Variants in CTNNA2 observed in about 807,000 individuals in gnomAD.
CTNNA2 encodes the protein catenin alpha 2.
A neutral mutation model predicts 101.0 loss-of-function variants in CTNNA2; 42 were observed. That is an observed-to-expected ratio of 0.42 (90% CI 0.32 to 0.54). CTNNA2 has a LOEUF of 0.54. CTNNA2 is among the 20% of genes least tolerant of loss of function. The pLI is 0.14. For missense variants in CTNNA2, 871 were observed against 1,223.1 expected (o/e 0.71, Z 4.29); for synonymous variants, 450 against 456.4 (o/e 0.99, Z 0.18).
At chr2:79,517,147 C>T (rs1671851141) in intron 1 of CTNNA2, among the ~76,000 whole-genome samples, 1 of 152,128 alleles carries the variant, frequency 6.6e-6, no homozygotes, top group African/African-American at 2.4e-5. Flanking sequence ...TGCTCACTGG[C>T]TACATCTGTT....
At position 80,319,235 on chromosome 2, in the gene CTNNA2, A is replaced by G. The variant is rs147565703; in HGVS notation, c.1057-73976A>G. On this transcript the variant is annotated intron_variant, in intron 7 of 18. Transcript: ENST00000402739. Reference sequence around the variant, plus strand: ...TTTAAATTCATCAACTACTTTTAATATAATTGGTATTTGAAGGATGTCTAC... The same window carrying G: ...TTTAAATTCATCAACTACTTTTAATGTAATTGGTATTTGAAGGATGTCTAC... Among the ~76,000 whole-genome samples the G allele has an allele frequency of 1.2e-4, 18 of 152,334 alleles. No homozygotes were observed. In the East Asian group the frequency reaches 3.3e-3, roughly 28 times the overall value.
chr2:79,768,684 G>A (rs1259303299), intron 3 of CTNNA2, among the ~76,000 whole-genome samples: 1 of 151,910 alleles, frequency 6.6e-6, no homozygotes, highest in Non-Finnish European at 1.5e-5. Flanking sequence ...GGGGATTAAT[G>A]TTTAGGAGAC....
intron 2 of CTNNA2, among the ~76,000 whole-genome samples, chr2:79,708,151 C>A (rs1423528462): frequency 6.6e-6 from 1 of 152,122 alleles, no homozygotes; most frequent in Non-Finnish European, 1.5e-5. Context: ...TTACATTATG[C>A]CATTTGATTT....
chr2:79,756,479 A>G (rs575229226), intron 3 of CTNNA2, among the ~76,000 whole-genome samples: 1 of 152,324 alleles, frequency 6.6e-6, no homozygotes, highest in Admixed American at 6.5e-5. Context: ...ACAAATAAGT[A>G]AAATATTAAA....
intron 9 of CTNNA2, among the ~76,000 whole-genome samples, chr2:80,431,748 T>G (rs1247528357): frequency 6.6e-6 from 1 of 152,192 alleles, no homozygotes; most frequent in South Asian, 2.1e-4. Context: ...TTTGAATAAC[T>G]CTTAATCAGC....
chr2:79,923,755 C>T (rs555038175), intron 7 of CTNNA2, among the ~76,000 whole-genome samples: 1 of 152,208 alleles, frequency 6.6e-6, no homozygotes, highest in African/African-American at 2.4e-5. Flanking sequence ...TCATCCCCCT[C>T]GCTGCTCAGC....
At chr2:79,218,679 A>G (rs556126877) in intron 2 of CTNNA2, among the ~76,000 whole-genome samples, 11 of 152,236 alleles carry the variant, frequency 7.2e-5, no homozygotes, top group African/African-American at 2.6e-4. Flanking sequence ...AGGATCAGAG[A>G]CCACCATCGC....
chr2:79,285,277 A>G (rs1266735356), intron 2 of CTNNA2, among the ~76,000 whole-genome samples: 10 of 148,684 alleles, frequency 6.7e-5, no homozygotes, highest in African/African-American at 2.5e-4. Context: ...GATTTTAGTT[A>G]TTTCTTGTCT....
chr2:80,589,837 T>C (rs756536635), intron 15 of CTNNA2, among the ~76,000 whole-genome samples: 3 of 151,880 alleles, frequency 2.0e-5, no homozygotes, highest in Admixed American at 1.3e-4. Flanking sequence ...TTTGTTAATA[T>C]ACCTTTGGAA....
intron 7 of CTNNA2, among the ~76,000 whole-genome samples, chr2:80,342,093 G>A (rs1672297905): frequency 6.6e-6 from 1 of 152,180 alleles, no homozygotes; most frequent in South Asian, 2.1e-4. Flanking sequence ...ATTAGTGACT[G>A]TCTATGGCTG....
intron 7 of CTNNA2, among the ~76,000 whole-genome samples, chr2:80,127,828 G>A (rs1453786236): frequency 1.3e-5 from 2 of 152,048 alleles, no homozygotes; most frequent in African/African-American, 4.8e-5. Context: ...GGATTTGCAG[G>A]GATCATTAGC....
At chr2:79,644,078 C>T (rs1027311251) in intron 1 of CTNNA2, among the ~76,000 whole-genome samples, 1 of 152,092 alleles carries the variant, frequency 6.6e-6, no homozygotes, top group Non-Finnish European at 1.5e-5. Flanking sequence ...CTCCCTGTCA[C>T]CCAGGCTGGA....
chr2:80,279,536 T>C (rs1014045759), intron 7 of CTNNA2, among the ~76,000 whole-genome samples: 7 of 152,190 alleles, frequency 4.6e-5, no homozygotes, highest in Non-Finnish European at 7.4e-5. Context: ...TACAATATTA[T>C]ACTATTTATT....
intron 18 of CTNNA2, among the ~76,000 whole-genome samples, chr2:80,647,330 C>A (rs1478206176): frequency 6.6e-6 from 1 of 152,050 alleles, no homozygotes; most frequent in Non-Finnish European, 1.5e-5. Context: ...TTGCTAATTA[C>A]CCTAATGTAA....
At chr2:80,204,196 T>A (rs188306799) in intron 7 of CTNNA2, among the ~76,000 whole-genome samples, 2,213 of 152,352 alleles carry the variant, frequency 0.015, 20 homozygotes, top group Non-Finnish European at 0.022. Context: ...ATTTTCCCCA[T>A]TCTCTTAGTG....
chr2:80,096,066 T>G (rs1404964746), intron 7 of CTNNA2, among the ~76,000 whole-genome samples: 5 of 152,094 alleles, frequency 3.3e-5, no homozygotes, highest in Non-Finnish European at 5.9e-5. Flanking sequence ...TGTTTGCTCT[T>G]GCTTCTCTAG....
chr2:79,367,535 A>T (rs1281881451), intron 3 of CTNNA2, among the ~76,000 whole-genome samples: 2 of 152,096 alleles, frequency 1.3e-5, no homozygotes, highest in Admixed American at 6.6e-5. Context: ...TAGAAAGCTA[A>T]TGGGGGAGGG....
chr2:79,632,465 A>G (rs1014783251), intron 1 of CTNNA2, among the ~76,000 whole-genome samples: 33 of 152,230 alleles, frequency 2.2e-4, no homozygotes, highest in African/African-American at 8.0e-4. Context: ...ATGAGGATCA[A>G]TAATGTTTTT....
chr2:80,375,594 T>A (rs1231426529), intron 7 of CTNNA2, among the ~76,000 whole-genome samples: 1 of 133,536 alleles, frequency 7.5e-6, no homozygotes, highest in Non-Finnish European at 1.5e-5. Context: ...AGATGGAGTC[T>A]CACTCTGTTG....
Sources: gnomAD v4.1 joint callset for allele counts (sites outside exome capture counted in the v4.1 genomes callset) on GRCh38, gnomAD v4.1.1 for gene constraint, MANE v1.5 for transcripts, NCBI Gene and HGNC (gene_info 2026-07-23, HGNC 2026-07-21) for gene names.